SULT2A1: variants seen among roughly 807,000 people sequenced by gnomAD.
SULT2A1 encodes sulfotransferase family 2A member 1.
Under a neutral mutation model 33.9 loss-of-function variants are expected in SULT2A1, and 43 were observed. The observed-to-expected ratio is 1.27, with a 90% CI of 1.00 to 1.64. The LOEUF (loss-of-function observed/expected upper bound fraction) is 1.64, where lower values mean the gene tolerates loss of function less well. Ranked by LOEUF, SULT2A1 falls within the 40% of genes most tolerant of loss-of-function variation. The pLI, the probability that SULT2A1 is intolerant of heterozygous loss-of-function variation, is 0.00. For missense variants in SULT2A1, 300 were observed against 335.1 expected, an observed-to-expected ratio of 0.90 and a Z score of 0.82; for synonymous variants, 125 against 113.6, an observed-to-expected ratio of 1.10 and a Z score of -0.64.
chr19:47,871,468 A>T lies in SULT2A1; in HGVS notation c.845T>A (p.Phe282Tyr). 1 of 1,613,692 alleles carries T rather than the reference A, an allele frequency of 6.2e-7. No individual in the cohort carries two copies. Among genetic ancestry groups the T allele is most frequent in the Admixed American group, 1.7e-5 (1 of 60,002 alleles). ...EKMADLPREL[F>Y]PWE ...GTGTTTTGGACGTTATTCCCATGGG[A>T]ACAGCTCTCGAGGAAGATCTGCCAT... is the stretch of plus-strand genomic sequence containing the variant. Residue 282 changes from phenylalanine to tyrosine, a missense_variant, in exon 6 of 6, where the codon TTC becomes TAC. Coordinates refer to ENST00000222002, the MANE Select transcript of SULT2A1 (RefSeq NM_003167.4).
chr19:47,873,412 C>T (rs1234273331), intron 5 of SULT2A1, among the ~76,000 whole-genome samples: 5 of 151,330 alleles, frequency 3.3e-5, no homozygotes, highest in Non-Finnish European at 7.4e-5. Context: ...CTCAGGTGAT[C>T]CACCCGCCTT....
chr19:47,879,222 C>T (rs1328016062), intron 3 of SULT2A1, 92 bp from the exon 4 acceptor site: 8 of 776,784 alleles, frequency 1.0e-5, no homozygotes, highest in South Asian at 2.9e-5. Context: ...GGCTTGTTAA[C>T]GTATGATTGA....
chr19:47,877,454 G>T (rs925005369), intron 4 of SULT2A1, among the ~76,000 whole-genome samples: 1 of 151,866 alleles, frequency 6.6e-6, no homozygotes. Flanking sequence ...TGCCCAGGCT[G>T]GTATCGAACT....
At chr19:47,884,802 C>T (rs1177398405) in intron 1 of SULT2A1, among the ~76,000 whole-genome samples, 107 of 126,514 alleles carry the variant, frequency 8.5e-4, no homozygotes, top group African/African-American at 3.4e-3. Context: ...AGCTCTCAAC[C>T]ACTTTTTTTT....
rs143719973 is a variant in SULT2A1 at position 47,879,065 on chromosome 19, G to A, written c.538C>T (p.Leu180=). The change falls in exon 4 of 6, where the codon CTG becomes TTG. Residue 180 remains leucine, a synonymous_variant. Transcript: ENST00000222002. ...WMPMREEKNF[L]LLSYEELKQD... ...TTCAGCTCCTCATAACTCAGTAACA[G>A]GAAGTTTTTCTCCTCTCTCATGGGC... 4.6e-5 allele frequency: 74 copies of A among 1,613,662 alleles called. No homozygotes were observed. The African/African-American group carries it at 8.1e-4, about 18-fold the overall frequency.
intron 1 of SULT2A1, 152 bp from the exon 2 acceptor site, chr19:47,883,937 C>T (rs1351265564): frequency 4.3e-6 from 3 of 696,236 alleles, no homozygotes; most frequent in Middle Eastern, 4.1e-4. Flanking sequence ...GAAACCCCGT[C>T]TCTACTAAAA....
At chr19:47,876,059 A>G (rs1968540843) in intron 4 of SULT2A1, among the ~76,000 whole-genome samples, 2 of 152,220 alleles carry the variant, frequency 1.3e-5, no homozygotes, top group Admixed American at 1.3e-4. Flanking sequence ...TCTGTCGCCC[A>G]GGCTGGAGTG....
At chr19:47,875,444 CCTGGG>C (rs1968535011) in intron 4 of SULT2A1, among the ~76,000 whole-genome samples, 2 of 152,016 alleles carry the variant, frequency 1.3e-5, no homozygotes, top group East Asian at 3.9e-4. Flanking sequence ...TTTAGACCAG[CCTGGG>C]CGATATAGTG....
intron 4 of SULT2A1, among the ~76,000 whole-genome samples, chr19:47,877,927 A>G (rs764863009): frequency 6.6e-6 from 1 of 152,196 alleles, no homozygotes; most frequent in Non-Finnish European, 1.5e-5. Context: ...TCACTCCAGT[A>G]CTTGGATCTC....
intron 1 of SULT2A1, 50 bp from the exon 2 acceptor site, chr19:47,883,835 A>T (rs1968627183): frequency 6.4e-7 from 1 of 1,554,842 alleles, no homozygotes; most frequent in Non-Finnish European, 8.8e-7. Context: ...TCAGCCGGAC[A>T]TGGTGGCTCA....
intron 4 of SULT2A1, among the ~76,000 whole-genome samples, chr19:47,877,576 G>T (rs553325691): frequency 4.7e-5 from 7 of 149,376 alleles, no homozygotes; most frequent in Non-Finnish European, 5.9e-5. Context: ...TTGAGACAGG[G>T]TCTCATTCTG....
chr19:47,885,483 C>G (rs1968647474), intron 1 of SULT2A1, among the ~76,000 whole-genome samples: 1 of 152,220 alleles, frequency 6.6e-6, no homozygotes, highest in South Asian at 2.1e-4. Flanking sequence ...TGTTTATTCA[C>G]TCACCTGTCA....
intron 1 of SULT2A1, among the ~76,000 whole-genome samples, chr19:47,884,928 C>T (rs1219423422): frequency 4.8e-5 from 7 of 145,536 alleles, no homozygotes; most frequent in Non-Finnish European, 1.0e-4. Context: ...TTCTCTTGGT[C>T]AGCCTCCCGA....
At position 47,881,827 on chromosome 19, in the gene SULT2A1, A is replaced by T. The variant is rs559502602; in HGVS notation, c.472+257T>A. Among the ~76,000 whole-genome samples the T allele has an allele frequency of 5.8e-4, 89 of 152,216 alleles. 1 individual carries two copies. Among genetic ancestry groups the T allele is most frequent in the South Asian group, 1.0e-3 (5 of 4,818 alleles). On this transcript the variant is annotated intron_variant, in intron 3 of 5. Transcript: ENST00000222002. Reference sequence around the variant, plus strand: ...TCTAGCATTAGGAGACTAGAGGAGAATATAAGTTTCCTGTGCTAGTATTGG... The same window carrying T: ...TCTAGCATTAGGAGACTAGAGGAGATTATAAGTTTCCTGTGCTAGTATTGG...
chr19:47,885,126 A>G (rs1968643743), intron 1 of SULT2A1, among the ~76,000 whole-genome samples: 1 of 152,124 alleles, frequency 6.6e-6, no homozygotes. Context: ...ACCACTTTTA[A>G]GCCTACGGTT....
At chr19:47,874,886 G>A (rs756638277) in intron 4 of SULT2A1, 52 bp from the exon 5 acceptor site, 1 of 1,555,748 alleles carries the variant, frequency 6.4e-7, no homozygotes, top group Admixed American at 1.7e-5. Context: ...ACAAGGCTGG[G>A]CGTGGTGGTT....
At chr19:47,883,489 G>T in intron 2 of SULT2A1, 88 bp downstream of exon 2, 1 of 1,287,432 alleles carries the variant, frequency 7.8e-7, no homozygotes, top group Non-Finnish European at 1.1e-6. Context: ...GAAGGAGAAT[G>T]CATTTCAGCA....
At chr19:47,884,725 A>G (rs1460685466) in intron 1 of SULT2A1, among the ~76,000 whole-genome samples, 1 of 141,030 alleles carries the variant, frequency 7.1e-6, no homozygotes, top group Non-Finnish European at 1.5e-5. Flanking sequence ...TGAACGCTTG[A>G]CCTCAAGCAA....
chr19:47,871,454 G>A lies in SULT2A1; in HGVS notation c.*1C>T, dbSNP rs776093287. The stretch of plus-strand genomic sequence containing the variant: ...ATATAAGATCCAGAGTGTTTTGGAC[G>A]TTATTCCCATGGGAACAGCTCTCGA... On this transcript the variant is annotated 3_prime_UTR_variant, in exon 6 of 6. Transcript: ENST00000222002. 27 of 1,608,540 alleles carry A rather than the reference G, an allele frequency of 1.7e-5. No homozygotes were observed. The highest frequency in any genetic ancestry group is 9.4e-5 in the African/African-American group (7 of 74,776).
Sources: gnomAD v4.1 joint callset for allele counts (sites outside exome capture counted in the v4.1 genomes callset) on GRCh38, gnomAD v4.1.1 for gene constraint, MANE v1.5 for transcripts, NCBI Gene and HGNC (gene_info 2026-07-23, HGNC 2026-07-21) for gene names.